SRSF7: variants seen among roughly 807,000 people sequenced by gnomAD.
The protein encoded by SRSF7 is serine/arginine-rich splicing factor 7.
SRSF7 carries 15 observed loss-of-function variants against 42.2 expected under a neutral mutation model. The observed-to-expected ratio is 0.36, with a 90% CI of 0.24 to 0.55. The LOEUF (loss-of-function observed/expected upper bound fraction) is 0.55. SRSF7 is among the 20% of genes least tolerant of loss of function. The pLI is 0.88. For synonymous variants in SRSF7, 138 were observed against 107.9 expected, an observed-to-expected ratio of 1.28 and a Z score of -1.73; for missense variants, 181 against 305.9, an observed-to-expected ratio of 0.59 and a Z score of 3.04.
chr2:38,748,688 G>C lies in SRSF7; in HGVS notation c.387-35C>G. The C allele has an allele frequency of 4.4e-6, 7 of 1,596,342 alleles. No homozygotes were observed. In the East Asian group the frequency reaches 1.1e-4, roughly 25 times the overall value. ...AAGTTAGAGAAAAAACAAAATGTCA[G>C]ACAATAACTCGTTTTTAAGAGTTTG... On this transcript the variant is annotated intron_variant, in intron 3 of 7. Transcript: ENST00000313117.
At chr2:38,748,682 A>C in intron 3 of SRSF7, 29 bp from the exon 4 acceptor site, 2 of 1,603,080 alleles carry the variant, frequency 1.2e-6, no homozygotes, top group Non-Finnish European at 1.7e-6. Flanking sequence ...AAAAAACAAA[A>C]TGTCAGACAA....
In SRSF7 at chr2:38,748,074, C is replaced by A; in HGVS notation, c.545G>T (p.Gly182Val). 2.0e-5 allele frequency: 33 copies of A among 1,613,624 alleles called. No individual in the cohort carries two copies. Among genetic ancestry groups the A allele is most frequent in the Non-Finnish European group, 2.7e-5 (32 of 1,179,728 alleles). The stretch of plus-strand genomic sequence containing the variant: ...GAAATACCTCGATCCTTTTATAGAA[C>A]CAGACCTAGATCTTCTGAGTGAAGC... ...RSASLRRSRS[G>V]SIKGSRYFQS... The change falls in exon 5 of 8, where the codon GGT becomes GTT. Residue 182 changes from glycine to valine, a missense_variant. By Grantham distance (109) the Gly-to-Val change is moderately radical. Around this residue, in one of 2 missense-constraint regions of SRSF7, gnomAD observed 136 missense variants for 147.8 expected, o/e 0.92. Coordinates refer to ENST00000313117, the MANE Select transcript of SRSF7 (RefSeq NM_001031684.3).
At position 38,745,186 on chromosome 2, in the gene SRSF7, G is replaced by T; in HGVS notation, c.664C>A (p.Arg222Ser). 1.9e-6 allele frequency: 3 copies of T among 1,614,038 alleles called. No homozygotes were observed. Among genetic ancestry groups the T allele is most frequent in the Non-Finnish European group, 2.5e-6 (3 of 1,179,960 alleles). Residue 222 changes from arginine to serine, a missense_variant and splice_region_variant, in exon 8 of 8, where the codon CGT (arginine) becomes AGT (serine). This residue lies in a region of SRSF7 where 136 missense variants were observed against 147.8 expected (regional missense o/e 0.92). Transcript: ENST00000313117. ...KSRSPSPKRS[R>S]SPSGSPRRSA... ...CTGCGAGGACTTCCTGATGGGGAACGACTAAAAAGAAAAACATTAGGTTTG... is the reference window on the plus strand; with the variant it reads ...CTGCGAGGACTTCCTGATGGGGAACTACTAAAAAGAAAAACATTAGGTTTG...
rs1558613206 is a variant in SRSF7 at position 38,750,007 on chromosome 2, T to TA, written c.209+6dup. 6.2e-7 allele frequency: 1 copy of TA among 1,601,318 alleles called. No individual in the cohort carries two copies. The highest frequency in any genetic ancestry group is 1.1e-5 in the South Asian group (1 of 88,976). The stretch of plus-strand genomic sequence containing the variant: ...AATGAACAGAAGATTCATAACATCT[T>TA]ACTTACTTTCCATCCAGTCCTCGTA... On this transcript the variant is annotated splice_region_variant and intron_variant, in intron 2 of 7. Transcript: ENST00000313117.
chr2:38,746,150 T>C lies in SRSF7; in HGVS notation c.656A>G (p.Lys219Arg). 1.2e-6 allele frequency: 2 copies of C among 1,614,114 alleles called. No homozygotes were observed. Among genetic ancestry groups the C allele is most frequent in the Non-Finnish European group, 8.5e-7 (1 of 1,180,000 alleles). Residue 219 changes from lysine (K) to arginine (R), a missense_variant, in exon 7 of 8, where the codon AAA becomes AGA. By Grantham distance (26) the Lys-to-Arg change is conservative. Coordinates refer to ENST00000313117, the MANE Select transcript of SRSF7 (RefSeq NM_001031684.3). ...SRSKSRSPSP[K>R]RSRSPSGSPR... ...AACAAAACATTTAGCTTACCTTCTT[T>C]TTGGAGATGGAGATCTGGACTTTGA...
intron 5 of SRSF7, among the ~76,000 whole-genome samples, chr2:38,747,291 A>G (rs369022322): frequency 1.1e-4 from 17 of 152,330 alleles, no homozygotes; most frequent in African/African-American, 4.1e-4. Context: ...AGACTGACAT[A>G]TCTATCTTTT....
chr2:38,744,821 G>T lies in SRSF7; in HGVS notation c.*312C>A. The stretch of plus-strand genomic sequence containing the variant: ...CTGAATGTAGGTATGTATGAATAAG[G>T]TTAACAATTATAATGTCTGACTCTC... On this transcript the variant is annotated 3_prime_UTR_variant, in exon 8 of 8. Transcript: ENST00000313117. The T allele has an allele frequency of 3.5e-6, 1 of 282,878 alleles. No homozygotes were observed. The allele number at this position is 282,878 out of a possible 1,614,324, so 17.5% of individuals were successfully genotyped here.
At chr2:38,747,406 G>A (rs1043492575) in intron 5 of SRSF7, among the ~76,000 whole-genome samples, 1 of 152,160 alleles carries the variant, frequency 6.6e-6, no homozygotes, top group African/African-American at 2.4e-5. Flanking sequence ...TTAACTCCCA[G>A]TAGCATTCCG....
intron 3 of SRSF7, 164 bp from the exon 4 acceptor site, chr2:38,748,817 C>A: frequency 8.0e-7 from 1 of 1,245,256 alleles, no homozygotes; most frequent in African/African-American, 1.5e-5. Flanking sequence ...TTTTTACTAC[C>A]TAAAAAAAGA....
chr2:38,749,097 T>C, intron 3 of SRSF7: 1 of 1,315,134 alleles, frequency 7.6e-7, no homozygotes. Flanking sequence ...CTGGTGTTCC[T>C]CTTTCTAAAC....
intron 1 of SRSF7, 85 bp downstream of exon 1, chr2:38,751,141 CCGT>C: frequency 6.4e-7 from 1 of 1,563,420 alleles, no homozygotes; most frequent in Non-Finnish European, 8.8e-7. Flanking sequence ...CGCGGAATAA[CCGT>C]CTCCCAACCT....
chr2:38,750,406 T>C (rs1668116103), intron 1 of SRSF7, among the ~76,000 whole-genome samples: 1 of 151,744 alleles, frequency 6.6e-6, no homozygotes, highest in Non-Finnish European at 1.5e-5. Context: ...TTCTAAATAA[T>C]GCGGGGTGAC....
chr2:38,743,717 T>C lies in SRSF7; in HGVS notation c.*1416A>G. The C allele has an allele frequency of 3.3e-5, 5 of 152,686 alleles. No homozygotes were observed. Among genetic ancestry groups the C allele is most frequent in the African/African-American group, 1.2e-4 (5 of 41,460 alleles). 9.5% of individuals were successfully genotyped at this position (152,686 alleles called of 1,614,324 possible). A position where few individuals can be genotyped will look rare whatever the true frequency, so the allele number is the denominator to read the frequency against. On this transcript the variant is annotated 3_prime_UTR_variant, in exon 8 of 8. Coordinates refer to ENST00000313117, the MANE Select transcript of SRSF7 (RefSeq NM_001031684.3). ...AGCCTGCCAGTTATACACATAACTTTATACCAACCATAATTCAGCCAGTCA... is the reference window on the plus strand; with the variant it reads ...AGCCTGCCAGTTATACACATAACTTCATACCAACCATAATTCAGCCAGTCA...
At chr2:38,746,299 T>G in intron 6 of SRSF7, 120 bp from the exon 7 acceptor site, 1 of 1,135,270 alleles carries the variant, frequency 8.8e-7, no homozygotes, top group East Asian at 2.4e-5. Context: ...GCACTTAAAC[T>G]GAAAAACATC....
chr2:38,746,833 G>T, intron 5 of SRSF7, 86 bp from the exon 6 acceptor site: 2 of 1,573,376 alleles, frequency 1.3e-6, no homozygotes, highest in Non-Finnish European at 1.7e-6. Context: ...AGGTTGGTCA[G>T]GCATAAAGAA....
At chr2:38,745,326 T>G in intron 7 of SRSF7, 139 bp from the exon 8 acceptor site, 1 of 854,398 alleles carries the variant, frequency 1.2e-6, no homozygotes. Flanking sequence ...ACATGAAACT[T>G]ACATATATTC....
In SRSF7 at chr2:38,745,130, G is replaced by C; in HGVS notation, c.*3C>G. 1 of 1,614,072 alleles carries C rather than the reference G, an allele frequency of 6.2e-7. No individual in the cohort carries two copies. The highest frequency in any genetic ancestry group is 8.5e-7 in the Non-Finnish European group (1 of 1,179,940). ...TTTTCCCTAAAGGGTGAACTTGAGA[G>C]CTTCAGTCCATTCTTTCAGGACTTG... On this transcript the variant is annotated 3_prime_UTR_variant, in exon 8 of 8. Coordinates refer to ENST00000313117, the MANE Select transcript of SRSF7 (RefSeq NM_001031684.3).
Position 38,751,339 on chromosome 2 carries a change from G to C in SRSF7, c.-83C>G. ...CAAAAGCTGACACACACCTTCACCC[G>C]CCAAGAGTCCCGGCGGCACTACGAG... On this transcript the variant is annotated 5_prime_UTR_variant, in exon 1 of 8. Coordinates refer to ENST00000313117, the MANE Select transcript of SRSF7 (RefSeq NM_001031684.3). 1.9e-5 allele frequency: 30 copies of C among 1,589,912 alleles called. No individual in the cohort carries two copies. Among genetic ancestry groups the C allele is most frequent in the South Asian group, 8.8e-5 (8 of 90,454 alleles).
At chr2:38,750,393 A>C (rs1668113491) in intron 1 of SRSF7, among the ~76,000 whole-genome samples, 199 bp from the exon 2 acceptor site, 1 of 151,968 alleles carries the variant, frequency 6.6e-6, no homozygotes, top group African/African-American at 2.4e-5. Context: ...AAAATTCTTA[A>C]CGTTCTAAAT....
Sources: gnomAD v4.1 joint callset for allele counts (sites outside exome capture counted in the v4.1 genomes callset) on GRCh38, gnomAD v4.1.1 for gene constraint, gnomAD v4.1.1 regional missense constraint, MANE v1.5 for transcripts, NCBI Gene and HGNC (gene_info 2026-07-23, HGNC 2026-07-21) for gene names.